Variants in WWOX observed in about 807,000 individuals in gnomAD.
WWOX encodes WW domain containing oxidoreductase.
Under a neutral mutation model 46.2 loss-of-function variants are expected in WWOX, and 69 were observed. The observed-to-expected ratio is 1.49, with a 90% confidence interval of 1.23 to 1.82. WWOX has a LOEUF of 1.82. Ranked by LOEUF, WWOX falls within the 40% of genes most tolerant of loss-of-function variation. The probability of loss-of-function intolerance (pLI) is 0.00; values close to 1 mark genes in which losing one functional copy is unlikely to be tolerated. For missense variants in WWOX, 919 were observed against 542.6 expected (o/e 1.69, Z -6.89); for synonymous variants, 359 against 202.6 (o/e 1.77, Z -6.56).
intron 8 of WWOX, among the ~76,000 whole-genome samples, chr16:78,534,824 C>A (rs1567627832): frequency 6.6e-6 from 1 of 151,988 alleles, no homozygotes; most frequent in African/African-American, 2.4e-5. Flanking sequence ...ATTCCACTGC[C>A]CTGATCAGCT....
intron 8 of WWOX, among the ~76,000 whole-genome samples, chr16:79,189,173 C>T (rs573632081): frequency 9.2e-5 from 14 of 152,230 alleles, no homozygotes; most frequent in African/African-American, 3.1e-4. Context: ...CATGGTCTGT[C>T]GTCTTCCATA....
chr16:78,634,286 G>C (rs1356765075), intron 8 of WWOX, among the ~76,000 whole-genome samples: 2 of 152,312 alleles, frequency 1.3e-5, no homozygotes, highest in African/African-American at 4.8e-5. Context: ...AATGGATGCT[G>C]AAATGTCCAA....
chr16:78,554,579 A>G (rs910941174), intron 8 of WWOX, among the ~76,000 whole-genome samples: 1 of 152,200 alleles, frequency 6.6e-6, no homozygotes, highest in Admixed American at 6.5e-5. Context: ...ATATCCATGC[A>G]TATACGTGGG....
intron 8 of WWOX, among the ~76,000 whole-genome samples, chr16:79,166,460 T>A (rs909030667): frequency 3.3e-5 from 5 of 152,340 alleles, no homozygotes; most frequent in Admixed American, 1.3e-4. Flanking sequence ...AGCCACTGTG[T>A]ACTTTCATAG....
At chr16:79,168,339 C>CAAGAAATGGTACAAAAAA (rs377367765) in intron 8 of WWOX, among the ~76,000 whole-genome samples, 1 of 152,280 alleles carries the variant, frequency 6.6e-6, no homozygotes, top group Non-Finnish European at 1.5e-5. Flanking sequence ...TACCATTTTA[C>CAAGAAATGGTACAAAAAA]AGAAAATCTC....
intron 8 of WWOX, among the ~76,000 whole-genome samples, chr16:78,856,692 G>C (rs949013289): frequency 6.6e-6 from 1 of 152,044 alleles, no homozygotes; most frequent in South Asian, 2.1e-4. Context: ...ATGGGAAGGG[G>C]CATATAATTC....
intron 5 of WWOX, among the ~76,000 whole-genome samples, chr16:78,329,286 T>C (rs1022697428): frequency 5.9e-5 from 9 of 152,196 alleles, no homozygotes; most frequent in Non-Finnish European, 1.3e-4. Context: ...GCTACTTTTG[T>C]CCAGCCAGTT....
At chr16:78,153,546 G>C (rs2034492157) in intron 4 of WWOX, among the ~76,000 whole-genome samples, 1 of 152,048 alleles carries the variant, frequency 6.6e-6, no homozygotes, top group Non-Finnish European at 1.5e-5. Context: ...ATGTGTGCTG[G>C]AAGATTCTAC....
chr16:78,929,327 T>C (rs1597164100), intron 8 of WWOX, among the ~76,000 whole-genome samples: 1 of 152,142 alleles, frequency 6.6e-6, no homozygotes. Flanking sequence ...AAAAAGCAAA[T>C]ACTTGAATTT....
intron 8 of WWOX, among the ~76,000 whole-genome samples, chr16:79,178,029 C>T (rs755897370): frequency 2.6e-5 from 4 of 152,134 alleles, no homozygotes; most frequent in Non-Finnish European, 5.9e-5. Context: ...GGGGATAAAG[C>T]AGCTCTCTGG....
intron 8 of WWOX, among the ~76,000 whole-genome samples, chr16:78,704,415 A>T (rs1464096268): frequency 6.6e-6 from 1 of 152,180 alleles, no homozygotes; most frequent in Non-Finnish European, 1.5e-5. Flanking sequence ...TGCACAATAC[A>T]TGTAGTGCCA....
intron 8 of WWOX, among the ~76,000 whole-genome samples, chr16:78,866,852 C>T (rs1219393467): frequency 6.6e-6 from 1 of 152,194 alleles, no homozygotes; most frequent in Non-Finnish European, 1.5e-5. Flanking sequence ...ATAGTAGGGT[C>T]AGTAGGTGAC....
intron 8 of WWOX, among the ~76,000 whole-genome samples, chr16:78,876,764 A>G (rs976117308): frequency 2.6e-5 from 4 of 152,184 alleles, no homozygotes; most frequent in African/African-American, 9.7e-5. Context: ...GATTAACCAA[A>G]AATCTAAAGG....
intron 8 of WWOX, among the ~76,000 whole-genome samples, chr16:78,654,781 G>T (rs1422135987): frequency 6.6e-6 from 1 of 151,414 alleles, no homozygotes; most frequent in Non-Finnish European, 1.5e-5. Flanking sequence ...ATTTGACATT[G>T]TGATGAAACA....
chr16:78,661,533 C>T lies in WWOX; in HGVS notation c.1056+228781C>T, dbSNP rs372688328. 4.6e-5 allele frequency among the ~76,000 whole-genome samples: 7 copies of T among 152,162 alleles called. No homozygotes were observed. In the East Asian group the frequency reaches 1.4e-3, roughly 29 times the overall value. On this transcript the variant is annotated intron_variant, in intron 8 of 8. Transcript: ENST00000566780. Reference sequence around the variant, plus strand: ...TATTAAACATTTATGATTTAGCTTTCACCGCGGCATCTTCTTGTAAGGTGT... The same window carrying T: ...TATTAAACATTTATGATTTAGCTTTTACCGCGGCATCTTCTTGTAAGGTGT...
intron 8 of WWOX, among the ~76,000 whole-genome samples, chr16:78,990,814 T>C (rs2046873155): frequency 6.6e-6 from 1 of 152,210 alleles, no homozygotes; most frequent in Admixed American, 6.5e-5. Context: ...AAGCTTTGCC[T>C]CAGTCTTTCT....
Position 78,758,597 on chromosome 16 carries a change from C to T in WWOX, c.1056+325845C>T, listed in dbSNP as rs146431861. Among the ~76,000 whole-genome samples, 371 of 152,262 alleles carry T rather than the reference C, an allele frequency of 2.4e-3. 1 individual carries two copies. Among genetic ancestry groups the T allele is most frequent in the African/African-American group, 8.1e-3 (338 of 41,544 alleles). Reference sequence around the variant, plus strand: ...CCTCTGCATGGCAGAAACTATCAACCGTGGATGGTTTCTTTTTAGCTTGTC... The same window carrying T: ...CCTCTGCATGGCAGAAACTATCAACTGTGGATGGTTTCTTTTTAGCTTGTC... On this transcript the variant is annotated intron_variant, in intron 8 of 8. Coordinates refer to ENST00000566780, the MANE Select transcript of WWOX (RefSeq NM_016373.4).
At chr16:78,393,679 A>G (rs900582768) in intron 6 of WWOX, among the ~76,000 whole-genome samples, 3 of 152,302 alleles carry the variant, frequency 2.0e-5, no homozygotes, top group African/African-American at 7.2e-5. Flanking sequence ...TGGAATTGAT[A>G]GGAAATTCAT....
chr16:79,080,297 C>G (rs12918601), intron 8 of WWOX, among the ~76,000 whole-genome samples: 2 of 152,132 alleles, frequency 1.3e-5, no homozygotes, highest in Non-Finnish European at 2.9e-5. Context: ...CTGCTTTTCT[C>G]TGTACATCTG....
Sources: allele counts gnomAD v4.1 joint callset (sites outside exome capture counted in the v4.1 genomes callset), GRCh38; gene constraint gnomAD v4.1.1; transcripts MANE v1.5; gene names NCBI Gene and HGNC (gene_info 2026-07-23, HGNC 2026-07-21).